Variants in SLC5A10 observed in about 807,000 individuals in gnomAD.
SLC5A10 encodes the protein sodium/mannose cotransporter SLC5A10.
In SLC5A10, 55 loss-of-function variants were observed where a neutral mutation model predicts 68.9. That is an observed-to-expected ratio of 0.80 (90% CI 0.64 to 1.00). SLC5A10 has a LOEUF of 1.00. Among genes scored for constraint, SLC5A10 ranks in the 50% least tolerant of loss-of-function variants. SLC5A10 has a pLI of 0.00. For missense variants in SLC5A10, 732 were observed against 819.3 expected (o/e 0.89, Z 1.30); for synonymous variants, 344 against 344.8 (o/e 1.00, Z 0.02).
At chr17:18,981,386 C>T (rs575938170) in intron 9 of SLC5A10, among the ~76,000 whole-genome samples, 23 of 152,274 alleles carry the variant, frequency 1.5e-4, no homozygotes, top group African/African-American at 5.3e-4. Flanking sequence ...GACCCTGCAC[C>T]GGCTTAAGAG....
intron 9 of SLC5A10, among the ~76,000 whole-genome samples, chr17:19,005,119 G>C (rs2043847700): frequency 6.6e-6 from 1 of 152,100 alleles, no homozygotes. Flanking sequence ...CCGTGCGGCT[G>C]TATAGATACC....
rs769668481 is a variant in SLC5A10 at position 18,959,678 on chromosome 17, G to A, written c.348+15G>A. On this transcript the variant is annotated intron_variant, in intron 4 of 14. Transcript: ENST00000395645. The stretch of plus-strand genomic sequence containing the variant: ...TCTCCTCAGAGGTGAGTCTACTCAT[G>A]GGGCCTCCAGCTGGGGGGCTGGGCC... 2.8e-5 allele frequency: 45 copies of A among 1,613,576 alleles called. 1 individual carries two copies. In the South Asian group the frequency reaches 4.6e-4, roughly 17 times the overall value.
chr17:19,019,702 C>A lies in SLC5A10; in HGVS notation c.1411-11C>A, dbSNP rs1405880134. 3.7e-6 allele frequency: 6 copies of A among 1,607,594 alleles called. No individual in the cohort carries two copies. Among genetic ancestry groups the A allele is most frequent in the African/African-American group, 1.3e-5 (1 of 74,998 alleles). On this transcript the variant is annotated splice_polypyrimidine_tract_variant and intron_variant, in intron 12 of 14. Transcript: ENST00000395645. ...CCGTAGCCCCACATGCCCTGCCTCC[C>A]TCCTCCCCAGGGGGCCTTCTGGGGC...
In SLC5A10 at chr17:18,976,996, C is replaced by T. The variant is rs547247312; in HGVS notation, c.982+7C>T. On this transcript the variant is annotated splice_region_variant and intron_variant, in intron 9 of 14. Coordinates refer to ENST00000395645, the MANE Select transcript of SLC5A10 (RefSeq NM_001042450.4). ...AGCCGCGCATTGTTCCCAGGTAGGACGGGCTCCGGGCACTGAACCCAGGCT... is the reference window on the plus strand; with the variant it reads ...AGCCGCGCATTGTTCCCAGGTAGGATGGGCTCCGGGCACTGAACCCAGGCT... 5.2e-5 allele frequency: 84 copies of T among 1,611,098 alleles called. 1 individual carries two copies. The South Asian group carries it at 5.9e-4, about 11-fold the overall frequency.
At chr17:19,013,016 G>A (rs568747331) in intron 9 of SLC5A10, among the ~76,000 whole-genome samples, 28 of 152,358 alleles carry the variant, frequency 1.8e-4, no homozygotes, top group African/African-American at 6.7e-4. Flanking sequence ...GAGGGCCTGG[G>A]GCAGGGCCCA....
In SLC5A10 at chr17:19,018,389, G is replaced by T. The variant is rs1258834847; in HGVS notation, c.1242-1034G>T. 2.0e-5 allele frequency: 3 copies of T among 152,460 alleles called. No individual in the cohort carries two copies. In the South Asian group the frequency reaches 6.2e-4, roughly 32 times the overall value. The allele number at this position is 152,460 out of a possible 1,614,324, so 9.4% of individuals were successfully genotyped here. ...CATGCCCCTCAAGGCTCGGGGAGGG[G>T]GTGCCTCCTCCTGAAAGCCCTCCTA... On this transcript the variant is annotated intron_variant, in intron 11 of 14. Transcript: ENST00000395645. The surrounding 1 kb of genome is among the most constrained non-coding windows in gnomAD (Gnocchi z 4.2).
chr17:19,009,501 G>A (rs921139597), intron 9 of SLC5A10, among the ~76,000 whole-genome samples: 4 of 152,192 alleles, frequency 2.6e-5, no homozygotes, highest in African/African-American at 9.6e-5. Flanking sequence ...GATTACAGAT[G>A]TAAGCCACTC....
intron 8 of SLC5A10, among the ~76,000 whole-genome samples, chr17:18,972,459 G>A (rs2042878618): frequency 6.6e-6 from 1 of 152,208 alleles, no homozygotes; most frequent in Non-Finnish European, 1.5e-5. Flanking sequence ...AGCTGGATCC[G>A]AACCCAGAGT....
intron 9 of SLC5A10, among the ~76,000 whole-genome samples, chr17:18,981,320 G>A (rs987670197): frequency 2.6e-5 from 4 of 152,130 alleles, no homozygotes; most frequent in Non-Finnish European, 4.4e-5. Flanking sequence ...CACCTCAGGG[G>A]AGGAGGGGTG....
chr17:18,986,666 C>T (rs939996227), intron 9 of SLC5A10, among the ~76,000 whole-genome samples: 1 of 152,240 alleles, frequency 6.6e-6, no homozygotes, highest in Non-Finnish European at 1.5e-5. Context: ...GGGTGGAAGG[C>T]GAGGCCTCTG....
rs557005464 is a variant in SLC5A10, at chr17:18,968,300, G to A, written c.454-752G>A. Among the ~76,000 whole-genome samples the A allele has an allele frequency of 3.2e-4, 49 of 152,318 alleles. No individual in the cohort carries two copies. The highest frequency in any genetic ancestry group is 4.3e-4 in the Non-Finnish European group (29 of 68,024). ...GGTAGGTTTAGGAACTCAGGGGTGG[G>A]GCAAGGTGAAGCCTGTTACTAGCCC... On this transcript the variant is annotated intron_variant, in intron 5 of 14. Coordinates refer to ENST00000395645, the MANE Select transcript of SLC5A10 (RefSeq NM_001042450.4). This position sits in a 1 kb window ranked among gnomAD's most constrained non-coding sequence, Gnocchi z 4.1.
intron 9 of SLC5A10, among the ~76,000 whole-genome samples, chr17:19,011,293 C>T (rs930158647): frequency 6.6e-6 from 1 of 152,132 alleles, no homozygotes; most frequent in South Asian, 2.1e-4. Context: ...AGGAGGTAAA[C>T]AAGGGTGTGG....
chr17:18,988,381 C>G (rs760451513), intron 9 of SLC5A10: 2 of 1,614,072 alleles, frequency 1.2e-6, no homozygotes, highest in Non-Finnish European at 8.5e-7. Context: ...AAGATGTCCA[C>G]GTCGGTGAAC....
Position 18,969,480 on chromosome 17 carries a change from CT to C in SLC5A10, c.640+59del, listed in dbSNP as rs112935959. The C allele has an allele frequency of 1.9e-4, 281 of 1,493,942 alleles. No homozygotes were observed. In the African/African-American group the frequency reaches 3.2e-3, roughly 17 times the overall value. 92.5% of individuals were successfully genotyped at this position (1,493,942 alleles called of 1,614,324 possible). On this transcript the variant is annotated intron_variant, in intron 7 of 14. Transcript: ENST00000395645. ...GTCCCCACAGCGAGCCCTTTGGAGTCTGGCACTGCCCGGCACTGTGCAGGAT... is the reference window on the plus strand; with the variant it reads ...GTCCCCACAGCGAGCCCTTTGGAGTCGGCACTGCCCGGCACTGTGCAGGAT...
chr17:19,001,231 G>A (rs2043721738), intron 9 of SLC5A10, among the ~76,000 whole-genome samples: 1 of 152,250 alleles, frequency 6.6e-6, no homozygotes, highest in Admixed American at 6.5e-5. Context: ...GACAGATGTG[G>A]CAGGGAAGGA....
Position 19,017,409 on chromosome 17 carries a change from C to T in SLC5A10, c.1242-2014C>T. ...ATGGATCTCTGGTAGGGTGAATGGCCTGACAACAGTCTCTGTCAGGGAGAG... is the reference window on the plus strand; with the variant it reads ...ATGGATCTCTGGTAGGGTGAATGGCTTGACAACAGTCTCTGTCAGGGAGAG... On this transcript the variant is annotated intron_variant, in intron 11 of 14. Coordinates refer to ENST00000395645, the MANE Select transcript of SLC5A10 (RefSeq NM_001042450.4). The surrounding 1 kb of genome is among the most constrained non-coding windows in gnomAD (Gnocchi z 5.6). 6.5e-7 allele frequency: 1 copy of T among 1,547,808 alleles called. No individual in the cohort carries two copies. Among genetic ancestry groups the T allele is most frequent in the African/African-American group, 1.4e-5 (1 of 73,076 alleles).
intron 1 of SLC5A10, among the ~76,000 whole-genome samples, chr17:18,957,561 C>T (rs1228033923): frequency 2.0e-5 from 3 of 152,028 alleles, no homozygotes; most frequent in African/African-American, 7.3e-5. Flanking sequence ...CTCCACCTCC[C>T]GGGTTCAAGC....
upstream of SLC5A10, chr17:18,952,159 C>T (rs1330749844): frequency 3.2e-6 from 5 of 1,582,888 alleles, no homozygotes; most frequent in Admixed American, 1.8e-5. Flanking sequence ...ACCTGGTTTG[C>T]CCCTCAGTCC....
Position 19,022,054 on chromosome 17 carries a change from C to T in SLC5A10, c.*1623C>T, listed in dbSNP as rs1349649943. 6.3e-7 allele frequency: 1 copy of T among 1,596,828 alleles called. No homozygotes were observed. Among genetic ancestry groups the T allele is most frequent in the South Asian group, 1.1e-5 (1 of 88,168 alleles). ...CAGTGGGGGTCTGGGCGCTCCAGGA[C>T]CTCAATGATGTCGCCACGGCGGAAG... On this transcript the variant is annotated 3_prime_UTR_variant, in exon 15 of 15. Coordinates refer to ENST00000395645, the MANE Select transcript of SLC5A10 (RefSeq NM_001042450.4).
Sources: gnomAD v4.1 joint callset for allele counts (sites outside exome capture counted in the v4.1 genomes callset) on GRCh38, gnomAD v4.1.1 for gene constraint, Gnocchi (gnomAD v3.1) non-coding constraint, MANE v1.5 for transcripts, NCBI Gene and HGNC (gene_info 2026-07-23, HGNC 2026-07-21) for gene names.